Variants in GRIN3A observed in about 807,000 individuals in gnomAD.
GRIN3A encodes glutamate ionotropic receptor NMDA type subunit 3A, also known as glutamate receptor ionotropic, NMDA 3A.
A neutral mutation model predicts 92.4 loss-of-function variants in GRIN3A; 47 were observed. That is an observed-to-expected ratio of 0.51 (90% CI 0.40 to 0.65). The LOEUF is 0.65. GRIN3A is among the 30% of genes least tolerant of loss of function. The pLI, the probability that GRIN3A is intolerant of heterozygous loss-of-function variation, is 0.00. For synonymous variants in GRIN3A, 527 were observed against 540.6 expected (o/e 0.97, Z 0.35); for missense variants, 1,324 against 1,393.1 (o/e 0.95, Z 0.79).
In GRIN3A at chr9:101,737,724, T is replaced by G. The variant is rs1488119751; in HGVS notation, c.256A>C (p.Arg86=). 2 of 1,529,318 alleles carry G rather than the reference T, an allele frequency of 1.3e-6. No homozygotes were observed. The highest frequency in any genetic ancestry group is 1.7e-6 in the Non-Finnish European group (2 of 1,144,130). The allele number at this position is 1,529,318 out of a possible 1,614,324, so 94.7% of individuals were successfully genotyped here. The change falls in exon 1 of 9, where the codon AGG becomes CGG. Residue 86 remains arginine (R), a synonymous_variant. Transcript: ENST00000361820. Reference sequence around the variant, plus strand: ...CCCGGCGAGGGCGCCGGGGACCGCCTAGTCCCTGGCTCCGGCTCATCCCTC... The same window carrying G: ...CCCGGCGAGGGCGCCGGGGACCGCCGAGTCCCTGGCTCCGGCTCATCCCTC... The part of the protein sequence containing the change: ...AQRDEPEPGT[R]RSPAPSPGAR...
intron 3 of GRIN3A, among the ~76,000 whole-genome samples, chr9:101,629,424 C>T (rs1828683152): frequency 6.6e-6 from 1 of 152,114 alleles, no homozygotes; most frequent in South Asian, 2.1e-4. Context: ...CAAAATCGTT[C>T]ATTTATTCAA....
At chr9:101,575,154 C>T (rs1009112491) in intron 8 of GRIN3A, among the ~76,000 whole-genome samples, 1 of 152,196 alleles carries the variant, frequency 6.6e-6, no homozygotes, top group African/African-American at 2.4e-5. Flanking sequence ...CCAAACCACC[C>T]TGTGGTTCTT....
At chr9:101,600,184 A>G (rs917874731) in intron 6 of GRIN3A, among the ~76,000 whole-genome samples, 1 of 152,174 alleles carries the variant, frequency 6.6e-6, no homozygotes, top group African/African-American at 2.4e-5. Context: ...AGATTATAAG[A>G]AGAAGGGTGC....
At chr9:101,675,233 AT>A (rs1004033261) in intron 2 of GRIN3A, among the ~76,000 whole-genome samples, 1 of 151,948 alleles carries the variant, frequency 6.6e-6, no homozygotes, top group Admixed American at 6.6e-5. Flanking sequence ...TTACTAATGA[AT>A]TTTTCTTTAT....
In GRIN3A at chr9:101,602,418, C is replaced by A. The variant is rs553652403; in HGVS notation, c.2766+10958G>T. On this transcript the variant is annotated intron_variant, in intron 6 of 8. Transcript: ENST00000361820. ...AATCCTCAAAGCCTGGAGGCAACTCCTCTCTGCACAGGGAATAGAGGTGAG... is the reference window on the plus strand; with the variant it reads ...AATCCTCAAAGCCTGGAGGCAACTCATCTCTGCACAGGGAATAGAGGTGAG... Among the ~76,000 whole-genome samples, 8 of 152,314 alleles carry A rather than the reference C, an allele frequency of 5.3e-5. 1 individual carries two copies. In the South Asian group the frequency reaches 1.7e-3, roughly 32 times the overall value.
chr9:101,689,120 C>T (rs1002009100), intron 1 of GRIN3A, among the ~76,000 whole-genome samples: 2 of 151,996 alleles, frequency 1.3e-5, no homozygotes, highest in Admixed American at 6.6e-5. Context: ...TTCCTTCTTC[C>T]TTTTTATTTC....
intron 3 of GRIN3A, among the ~76,000 whole-genome samples, chr9:101,652,809 T>C (rs1045727450): frequency 6.6e-6 from 1 of 152,034 alleles, no homozygotes; most frequent in East Asian, 1.9e-4. Context: ...TCCTCTAATA[T>C]GCATAATTGC....
chr9:101,702,175 G>A (rs1829764465), intron 1 of GRIN3A, among the ~76,000 whole-genome samples: 1 of 152,046 alleles, frequency 6.6e-6, no homozygotes, highest in Non-Finnish European at 1.5e-5. Context: ...GGTAGCATAT[G>A]CCTGTAATGT....
chr9:101,669,180 G>A (rs763884331), intron 3 of GRIN3A, among the ~76,000 whole-genome samples: 2 of 152,070 alleles, frequency 1.3e-5, no homozygotes, highest in South Asian at 4.1e-4. Context: ...ACTCCCCTGA[G>A]CTCTGTTCTA....
At chr9:101,706,005 G>A (rs528654856) in intron 1 of GRIN3A, among the ~76,000 whole-genome samples, 10 of 152,154 alleles carry the variant, frequency 6.6e-5, no homozygotes, top group African/African-American at 2.4e-4. Flanking sequence ...AAAAAAACGA[G>A]AAGCAAGAAT....
At position 101,570,715 on chromosome 9, in the gene GRIN3A, T is replaced by C. The variant is rs1827747786; in HGVS notation, c.*2459A>G. The C allele has an allele frequency of 6.6e-6, 1 of 152,612 alleles. No individual in the cohort carries two copies. Among genetic ancestry groups the C allele is most frequent in the African/African-American group, 2.4e-5 (1 of 41,440 alleles). The allele number at this position is 152,612 out of a possible 1,614,324, so 9.5% of individuals were successfully genotyped here. The stretch of plus-strand genomic sequence containing the variant: ...TGGATAGGCAGGGCGATCTGGCATG[T>C]GATCACCACTGCTCAGAATGCCTCA... On this transcript the variant is annotated 3_prime_UTR_variant, in exon 9 of 9. Transcript: ENST00000361820.
At position 101,670,736 on chromosome 9, in the gene GRIN3A, C is replaced by G; in HGVS notation, c.1676G>C (p.Ser559Thr). ...TGTATCATTACTGCTATGGAGGCTG[C>G]TAAAAAGGCTGTCCAATGTGGAAGA... ...NDSSTLDSLF[S>T]SLHSSNDTVP... The change falls in exon 3 of 9, where the codon AGC (serine) becomes ACC (threonine). Residue 559 changes from serine (S) to threonine (T), a missense_variant. Coordinates refer to ENST00000361820, the MANE Select transcript of GRIN3A (RefSeq NM_133445.3). 1 of 1,614,048 alleles carries G rather than the reference C, an allele frequency of 6.2e-7. No homozygotes were observed. The highest frequency in any genetic ancestry group is 8.5e-7 in the Non-Finnish European group (1 of 1,179,966).
In GRIN3A at chr9:101,738,278, T is replaced by G; in HGVS notation, c.-299A>C. 10 of 428,424 alleles carry G rather than the reference T, an allele frequency of 2.3e-5. No individual in the cohort carries two copies. Among genetic ancestry groups the G allele is most frequent in the Non-Finnish European group, 2.5e-5 (6 of 236,644 alleles). 26.5% of individuals were successfully genotyped at this position (428,424 alleles called of 1,614,324 possible). A position where few individuals can be genotyped will look rare whatever the true frequency, so the allele number is the denominator to read the frequency against. On this transcript the variant is annotated 5_prime_UTR_variant, in exon 1 of 9. Coordinates refer to ENST00000361820, the MANE Select transcript of GRIN3A (RefSeq NM_133445.3). ...ACCCGCAGCTGGAGCGCCCGTTCCC[T>G]GCCCGCCCCATCTGCAGGGCGCCTC...
rs893862550 is a variant in GRIN3A at position 101,595,002 on chromosome 9, G to A, written c.2767-15642C>T. 6.6e-6 allele frequency: 10 copies of A among 1,514,854 alleles called. No individual in the cohort carries two copies. The East Asian group carries it at 1.6e-4, about 24-fold the overall frequency. 93.8% of individuals were successfully genotyped at this position (1,514,854 alleles called of 1,614,324 possible). ...GTGAGCTCGGGCGGGGCTCGTGCCCGGACGGTTGGGCCATGGGGTGGGGGT... is the reference window on the plus strand; with the variant it reads ...GTGAGCTCGGGCGGGGCTCGTGCCCAGACGGTTGGGCCATGGGGTGGGGGT... On this transcript the variant is annotated intron_variant, in intron 6 of 8. Coordinates refer to ENST00000361820, the MANE Select transcript of GRIN3A (RefSeq NM_133445.3).
chr9:101,584,397 T>C (rs1827924862), intron 6 of GRIN3A, among the ~76,000 whole-genome samples: 1 of 152,234 alleles, frequency 6.6e-6, no homozygotes, highest in South Asian at 2.1e-4. Flanking sequence ...AAAAACATAG[T>C]TTGTATCTGA....
At chr9:101,693,783 A>T (rs1465831949) in intron 1 of GRIN3A, among the ~76,000 whole-genome samples, 1 of 152,174 alleles carries the variant, frequency 6.6e-6, no homozygotes, top group Non-Finnish European at 1.5e-5. Context: ...GTATTTCTTC[A>T]TGAACAACAC....
At chr9:101,575,371 T>C (rs955495137) in intron 8 of GRIN3A, among the ~76,000 whole-genome samples, 6 of 152,206 alleles carry the variant, frequency 3.9e-5, no homozygotes, top group Non-Finnish European at 7.3e-5. Context: ...CCTATTGAAT[T>C]TGAATAATCT....
At chr9:101,607,899 A>G (rs1444945616) in intron 6 of GRIN3A, among the ~76,000 whole-genome samples, 2 of 152,362 alleles carry the variant, frequency 1.3e-5, no homozygotes, top group African/African-American at 4.8e-5. Flanking sequence ...CAGCAGGCAG[A>G]GGCTGTTTGC....
At chr9:101,734,301 A>C (rs1338653887) in intron 1 of GRIN3A, among the ~76,000 whole-genome samples, 1 of 152,240 alleles carries the variant, frequency 6.6e-6, no homozygotes, top group East Asian at 1.9e-4. Flanking sequence ...TTATAAGAAT[A>C]GAATTTAGAA....
Sources: allele counts gnomAD v4.1 joint callset (sites outside exome capture counted in the v4.1 genomes callset), GRCh38; gene constraint gnomAD v4.1.1; transcripts MANE v1.5; gene names NCBI Gene and HGNC (gene_info 2026-07-23, HGNC 2026-07-21).